The following ANOS1 variants were observed in gnomAD, a reference collection of about 807,000 sequenced individuals.
The protein encoded by ANOS1 is anosmin-1.
ANOS1 carries 6 observed loss-of-function variants against 59.0 expected under a neutral mutation model. The ratio of observed to expected loss-of-function variants is 0.10; its 90% CI spans 0.06 to 0.20. The LOEUF is 0.20. Among genes scored for constraint, ANOS1 ranks in the 10% least tolerant of loss-of-function variants. The pLI is 1.00. For synonymous variants in ANOS1, 217 were observed against 223.4 expected, an observed-to-expected ratio of 0.97 and a Z score of 0.25; for missense variants, 433 against 542.3, an observed-to-expected ratio of 0.80 and a Z score of 2.00.
At chrX:8,546,592 A>G (rs972787176) in intron 9 of ANOS1, among the ~76,000 whole-genome samples, 1 of 112,077 alleles carries the variant, frequency 8.9e-6, no homozygotes, top group Non-Finnish European at 1.9e-5. Context: ...TGGATTGACC[A>G]TAGCTCCAGT....
chrX:8,723,982 C>T (rs1932893540), intron 1 of ANOS1, among the ~76,000 whole-genome samples: 1 of 112,251 alleles, frequency 8.9e-6, no homozygotes, highest in Non-Finnish European at 1.9e-5. Flanking sequence ...ATGTGCTTAC[C>T]TACTAGGTCC....
intron 2 of ANOS1, among the ~76,000 whole-genome samples, chrX:8,659,462 C>T (rs4259563): frequency 0.029 from 3,101 of 106,208 alleles, 84 homozygotes; most frequent in African/African-American, 0.082. Flanking sequence ...TCCCTCCCTC[C>T]CTCCTTCCTT....
intron 1 of ANOS1, among the ~76,000 whole-genome samples, chrX:8,710,289 A>G (rs1010422648): frequency 2.7e-5 from 3 of 111,820 alleles, no homozygotes; most frequent in Admixed American, 9.5e-5. Flanking sequence ...TAACCACATG[A>G]GCCACATAGG....
chrX:8,658,394 T>C (rs1313048215), intron 2 of ANOS1, among the ~76,000 whole-genome samples: 3 of 112,078 alleles, frequency 2.7e-5, no homozygotes, highest in Non-Finnish European at 5.6e-5. Flanking sequence ...AGTTCACTTA[T>C]AGCATTTTCA....
At chrX:8,600,840 T>C (rs1189073112) in intron 3 of ANOS1, among the ~76,000 whole-genome samples, 1 of 112,195 alleles carries the variant, frequency 8.9e-6, no homozygotes, top group Non-Finnish European at 1.9e-5. Flanking sequence ...TGAAAGAAAA[T>C]ACTTAGTTAC....
intron 1 of ANOS1, among the ~76,000 whole-genome samples, chrX:8,700,770 A>G (rs768129914): frequency 8.9e-6 from 1 of 112,101 alleles, no homozygotes; most frequent in Non-Finnish European, 1.9e-5. Flanking sequence ...GCACTTTGGG[A>G]GGCCAAGACG....
At chrX:8,656,926 C>T (rs1441758315) in intron 2 of ANOS1, among the ~76,000 whole-genome samples, 1 of 111,727 alleles carries the variant, frequency 9.0e-6, no homozygotes, top group African/African-American at 3.3e-5. Flanking sequence ...AATCTCTAAA[C>T]TTGGGATGTC....
At chrX:8,655,925 T>C (rs1053833985) in intron 2 of ANOS1, among the ~76,000 whole-genome samples, 1 of 112,567 alleles carries the variant, frequency 8.9e-6, no homozygotes, top group African/African-American at 3.2e-5. Flanking sequence ...TGATGGTATG[T>C]CATTCAGTCC....
At chrX:8,605,219 C>T (rs1022989211) in intron 3 of ANOS1, among the ~76,000 whole-genome samples, 7 of 109,991 alleles carry the variant, frequency 6.4e-5, no homozygotes, top group Non-Finnish European at 1.3e-4. Flanking sequence ...GCATTGCCCC[C>T]TCCCTAACCT....
chrX:8,724,604 A>G (rs1932897987), intron 1 of ANOS1, among the ~76,000 whole-genome samples: 1 of 112,525 alleles, frequency 8.9e-6, no homozygotes, highest in Admixed American at 9.4e-5. Flanking sequence ...GATGGTGCCC[A>G]TCGGCCAAAG....
At chrX:8,634,718 A>T (rs1301072704) in intron 2 of ANOS1, among the ~76,000 whole-genome samples, 3 of 112,326 alleles carry the variant, frequency 2.7e-5, no homozygotes, top group Non-Finnish European at 5.6e-5. Context: ...TTCATAAAAT[A>T]ATCTTAAAAT....
chrX:8,542,049 T>A (rs1476166812), intron 9 of ANOS1, among the ~76,000 whole-genome samples: 2 of 100,565 alleles, frequency 2.0e-5, no homozygotes, highest in Non-Finnish European at 4.0e-5. Context: ...CCTTTTGGGT[T>A]CCCTCCCTTT....
chrX:8,576,601 A>C (rs887861639), intron 6 of ANOS1, among the ~76,000 whole-genome samples: 2 of 110,221 alleles, frequency 1.8e-5, no homozygotes, highest in Admixed American at 2.0e-4. Context: ...CGTTATTATA[A>C]AGCCCTAAGG....
At chrX:8,649,498 A>C (rs1190412714) in intron 2 of ANOS1, among the ~76,000 whole-genome samples, 3 of 111,876 alleles carry the variant, frequency 2.7e-5, no homozygotes, top group Non-Finnish European at 5.6e-5. Context: ...ACCTACCATT[A>C]CCATTCCCAT....
chrX:8,695,524 T>C (rs1006657196), intron 2 of ANOS1, among the ~76,000 whole-genome samples: 1 of 111,230 alleles, frequency 9.0e-6, no homozygotes, highest in South Asian at 3.8e-4. Context: ...GAATCTACTA[T>C]GTATCCCTAA....
intron 2 of ANOS1, among the ~76,000 whole-genome samples, chrX:8,690,140 A>G (rs1215901406): frequency 8.9e-6 from 1 of 112,434 alleles, no homozygotes; most frequent in East Asian, 2.8e-4. Context: ...TCATGTAAGT[A>G]AAGACATGTA....
At chrX:8,570,848 A>C in intron 6 of ANOS1, 144 bp from the exon 7 acceptor site, 1 of 552,193 alleles carries the variant, frequency 1.8e-6, no homozygotes, top group Non-Finnish European at 3.1e-6. Context: ...ATGGTGGCTC[A>C]TGTCTGCAAT....
intron 2 of ANOS1, among the ~76,000 whole-genome samples, chrX:8,682,349 T>C (rs1475700797): frequency 1.0e-5 from 1 of 96,285 alleles, no homozygotes; most frequent in Admixed American, 1.1e-4. Flanking sequence ...AAAACGAGAA[T>C]TTCACCACAC....
chrX:8,649,741 T>C (rs1304533912), intron 2 of ANOS1, among the ~76,000 whole-genome samples: 2 of 111,689 alleles, frequency 1.8e-5, no homozygotes, highest in East Asian at 2.8e-4. Flanking sequence ...TTTGCCTGCA[T>C]AAAATGGTGC....
Sources: gnomAD v4.1 joint callset for allele counts (sites outside exome capture counted in the v4.1 genomes callset) on GRCh38, gnomAD v4.1.1 for gene constraint, MANE v1.5 for transcripts, NCBI Gene and HGNC (gene_info 2026-07-23, HGNC 2026-07-21) for gene names.